Variants in CDH13 observed in about 807,000 individuals in gnomAD.
CDH13 encodes the protein cadherin-13.
Under a neutral mutation model 63.8 loss-of-function variants are expected in CDH13, and 24 were observed. That is an observed-to-expected ratio of 0.38 (90% CI 0.27 to 0.53). CDH13 has a LOEUF of 0.53. Among genes scored for constraint, CDH13 ranks in the 20% least tolerant of loss-of-function variants. The pLI, the probability that CDH13 is intolerant of heterozygous loss-of-function variation, is 0.85. For missense variants in CDH13, 1,049 were observed against 903.1 expected, an observed-to-expected ratio of 1.16 and a Z score of -2.07; for synonymous variants, 503 against 355.3, an observed-to-expected ratio of 1.42 and a Z score of -4.67.
intron 3 of CDH13, among the ~76,000 whole-genome samples, chr16:83,089,727 T>C (rs72796289): frequency 0.078 from 11,943 of 152,220 alleles, 529 homozygotes; most frequent in African/African-American, 0.11. Flanking sequence ...TCTCACGACT[T>C]TGCTATAAGG....
At chr16:83,413,088 A>G (rs536924193) in intron 6 of CDH13, among the ~76,000 whole-genome samples, 7 of 152,326 alleles carry the variant, frequency 4.6e-5, no homozygotes, top group African/African-American at 1.7e-4. Context: ...CATAGCATCA[A>G]ACAGTGGTAA....
Position 83,710,816 on chromosome 16 carries a change from C to T in CDH13, c.1538+32355C>T, listed in dbSNP as rs796469940. 1.0e-3 allele frequency among the ~76,000 whole-genome samples: 159 copies of T among 152,188 alleles called. 1 individual carries two copies. Among genetic ancestry groups the T allele is most frequent in the African/African-American group, 1.9e-3 (78 of 41,524 alleles). ...GGCTGTTTATGCTTGTTATTCGGAA[C>T]GGGAGAGGGCTGCAACTCGGGCACC... On this transcript the variant is annotated intron_variant, in intron 10 of 13. Coordinates refer to ENST00000567109, the MANE Select transcript of CDH13 (RefSeq NM_001257.5).
At chr16:83,422,790 T>G (rs939262846) in intron 6 of CDH13, among the ~76,000 whole-genome samples, 3 of 152,146 alleles carry the variant, frequency 2.0e-5, no homozygotes, top group African/African-American at 7.2e-5. Context: ...AACAGTACTT[T>G]CCTCATGAGC....
At chr16:83,626,869 G>A (rs1939370842) in intron 8 of CDH13, among the ~76,000 whole-genome samples, 2 of 152,118 alleles carry the variant, frequency 1.3e-5, no homozygotes, top group Admixed American at 1.3e-4. Flanking sequence ...GGTCCTCCGT[G>A]ATGCCGCTGC....
At chr16:83,394,543 A>G (rs1422601589) in intron 6 of CDH13, among the ~76,000 whole-genome samples, 3 of 152,188 alleles carry the variant, frequency 2.0e-5, no homozygotes, top group Admixed American at 2.0e-4. Context: ...GGAGCAGATC[A>G]CATCCAACTG....
At chr16:82,727,020 G>C (rs1420340771) in intron 1 of CDH13, among the ~76,000 whole-genome samples, 1 of 152,074 alleles carries the variant, frequency 6.6e-6, no homozygotes, top group Non-Finnish European at 1.5e-5. Flanking sequence ...CTAATGAAGT[G>C]CCCAGGATTC....
intron 10 of CDH13, among the ~76,000 whole-genome samples, chr16:83,724,455 G>A (rs114403377): frequency 0.14 from 21,547 of 151,978 alleles, 1,840 homozygotes; most frequent in Middle Eastern, 0.27. Context: ...ATGAATGCAT[G>A]GGTGGATGAT....
Position 83,303,157 on chromosome 16 carries a change from A to T in CDH13, c.637-41705A>T, listed in dbSNP as rs117909767. Among the ~76,000 whole-genome samples the T allele has an allele frequency of 1.1e-3, 171 of 152,356 alleles. 5 individuals are homozygous for T. In the East Asian group the frequency reaches 0.03, roughly 27 times the overall value. Reference sequence around the variant, plus strand: ...GAGAATTTCCTATGTTCTTTTCAGCATGGGCCAGTGTTGGGGCCAAGGGAA... The same window carrying T: ...GAGAATTTCCTATGTTCTTTTCAGCTTGGGCCAGTGTTGGGGCCAAGGGAA... On this transcript the variant is annotated intron_variant, in intron 5 of 13. Transcript: ENST00000567109.
At chr16:83,167,393 A>T (rs896700948) in intron 4 of CDH13, among the ~76,000 whole-genome samples, 1 of 150,166 alleles carries the variant, frequency 6.7e-6, no homozygotes, top group Non-Finnish European at 1.5e-5. Flanking sequence ...GTTACTCACT[A>T]GGCTGAGGCA....
chr16:83,215,321 C>T (rs909249629), intron 4 of CDH13, among the ~76,000 whole-genome samples: 13 of 151,782 alleles, frequency 8.6e-5, no homozygotes, highest in South Asian at 2.1e-4. Context: ...TCAAGTGATC[C>T]GCCCACCTTG....
chr16:83,019,753 C>A (rs1374142556), intron 2 of CDH13, among the ~76,000 whole-genome samples: 1 of 150,180 alleles, frequency 6.7e-6, no homozygotes, highest in Non-Finnish European at 1.5e-5. Context: ...ACCTGGGCCT[C>A]CCAAAGTGCT....
intron 5 of CDH13, among the ~76,000 whole-genome samples, chr16:83,255,121 T>C (rs1047217226): frequency 1.3e-5 from 2 of 152,180 alleles, no homozygotes; most frequent in Non-Finnish European, 2.9e-5. Context: ...TCTGCTATTA[T>C]TTTTAATAAA....
At chr16:83,267,396 G>A (rs894366414) in intron 5 of CDH13, among the ~76,000 whole-genome samples, 1 of 152,110 alleles carries the variant, frequency 6.6e-6, no homozygotes. Context: ...CAGTGTCAGA[G>A]GCAGGCACAT....
At chr16:83,379,915 G>A (rs1253997751) in intron 6 of CDH13, among the ~76,000 whole-genome samples, 2 of 80,936 alleles carry the variant, frequency 2.5e-5, no homozygotes, top group African/African-American at 1.0e-4. Flanking sequence ...ATATATGTGT[G>A]TGTGTATATA....
intron 7 of CDH13, among the ~76,000 whole-genome samples, chr16:83,572,839 T>A (rs1904768660): frequency 6.6e-6 from 1 of 152,234 alleles, no homozygotes; most frequent in South Asian, 2.1e-4. Flanking sequence ...AAGGATTTGA[T>A]GCATTTAAAA....
At chr16:83,501,084 A>G in intron 7 of CDH13, among the ~76,000 whole-genome samples, 1 of 152,250 alleles carries the variant, frequency 6.6e-6, no homozygotes, top group African/African-American at 2.4e-5. Flanking sequence ...GAGACATAGC[A>G]ATGGCTTTCC....
intron 2 of CDH13, among the ~76,000 whole-genome samples, chr16:82,940,007 A>C (rs2151307168): frequency 6.6e-6 from 1 of 152,254 alleles, no homozygotes; most frequent in East Asian, 1.9e-4. Flanking sequence ...AGAGAATGAG[A>C]ACCAAATGAA....
At chr16:82,711,631 C>G (rs560591405) in intron 1 of CDH13, among the ~76,000 whole-genome samples, 2 of 152,336 alleles carry the variant, frequency 1.3e-5, no homozygotes, top group East Asian at 3.9e-4. Context: ...GAGGGGCTCT[C>G]TTGGGCTCCC....
chr16:83,044,376 A>C (rs1917591124), intron 3 of CDH13, among the ~76,000 whole-genome samples: 1 of 152,234 alleles, frequency 6.6e-6, no homozygotes, highest in South Asian at 2.1e-4. Context: ...AAAAGTTGTT[A>C]GTAATAAAAA....
Sources: allele counts gnomAD v4.1 joint callset (sites outside exome capture counted in the v4.1 genomes callset), GRCh38; gene constraint gnomAD v4.1.1; transcripts MANE v1.5; gene names NCBI Gene and HGNC (gene_info 2026-07-23, HGNC 2026-07-21).